Variants in ZNF571 observed in about 807,000 individuals in gnomAD.
ZNF571 encodes zinc finger protein 571.
In ZNF571, 4 loss-of-function variants were observed where a neutral mutation model predicts 7.7. That is an observed-to-expected ratio of 0.52 (90% confidence interval 0.25 to 1.18). The LOEUF is 1.18. Among genes scored for constraint, ZNF571 ranks in the 50% most tolerant of loss-of-function variants. The probability of loss-of-function intolerance (pLI) is 0.14; values close to 1 mark genes in which losing one functional copy is unlikely to be tolerated. For synonymous variants in ZNF571, 251 were observed against 232.4 expected, an observed-to-expected ratio of 1.08 and a Z score of -0.73; for missense variants, 704 against 726.9, an observed-to-expected ratio of 0.97 and a Z score of 0.36.
Position 37,573,285 on chromosome 19 carries a change from T to A in ZNF571, c.137-6994A>T, listed in dbSNP as rs1231673729. ...AGTATTGGAGATACTGGATTCCTATTATTAACGGCATGATTGTTATACTCA... is the reference window on the plus strand; with the variant it reads ...AGTATTGGAGATACTGGATTCCTATAATTAACGGCATGATTGTTATACTCA... On this transcript the variant is annotated intron_variant, in intron 3 of 3. Transcript: ENST00000451802. 4.6e-5 allele frequency among the ~76,000 whole-genome samples: 7 copies of A among 152,170 alleles called. No homozygotes were observed. The East Asian group carries it at 1.3e-3, about 29-fold the overall frequency.
rs1188054571 is a variant in ZNF571, at chr19:37,564,452, A to T, written c.*146T>A. 1 of 585,660 alleles carries T rather than the reference A, an allele frequency of 1.7e-6. No homozygotes were observed. Among genetic ancestry groups the T allele is most frequent in the Admixed American group, 3.7e-5 (1 of 26,874 alleles). 36.3% of individuals were successfully genotyped at this position (585,660 alleles called of 1,614,324 possible). ...TATAGAGATGTTAAGGAATTATTTA[A>T]GGGGTTTCTGAAATTATTCTGCATC... On this transcript the variant is annotated 3_prime_UTR_variant, in exon 4 of 4. Transcript: ENST00000451802.
At position 37,591,197 on chromosome 19, in the gene ZNF571, C is replaced by T. The variant is rs577391635; in HGVS notation, c.-70+3544G>A. Among the ~76,000 whole-genome samples the T allele has an allele frequency of 1.3e-5, 2 of 152,124 alleles. 1 individual carries two copies. The highest frequency in any genetic ancestry group is 4.1e-4 in the South Asian group (2 of 4,822). On this transcript the variant is annotated intron_variant, in intron 1 of 3. Coordinates refer to ENST00000451802, the MANE Select transcript of ZNF571 (RefSeq NM_016536.5). ...ACAGTGGTCACTGTACACTGTATAC[C>T]ACAAGAGGAATCAGAACTCCTTAGA... is the stretch of plus-strand genomic sequence containing the variant.
chr19:37,590,383 C>T (rs2043833002), intron 1 of ZNF571, among the ~76,000 whole-genome samples: 2 of 152,132 alleles, frequency 1.3e-5, no homozygotes, highest in East Asian at 1.9e-4. Flanking sequence ...CGCCACCGCA[C>T]TCCAGCCTGG....
At chr19:37,572,253 G>C (rs1378094501) in intron 3 of ZNF571, among the ~76,000 whole-genome samples, 1 of 152,136 alleles carries the variant, frequency 6.6e-6, no homozygotes, top group Non-Finnish European at 1.5e-5. Flanking sequence ...CTTTACTGTA[G>C]TTCCCCCTTA....
At chr19:37,577,387 C>G (rs1405280657) in intron 3 of ZNF571, among the ~76,000 whole-genome samples, 1 of 152,144 alleles carries the variant, frequency 6.6e-6, no homozygotes, top group Non-Finnish European at 1.5e-5. Context: ...CCCAAATCAA[C>G]AGAACCTAAC....
intron 3 of ZNF571, among the ~76,000 whole-genome samples, chr19:37,579,118 C>T (rs1437891002): frequency 6.6e-6 from 1 of 152,210 alleles, no homozygotes; most frequent in Non-Finnish European, 1.5e-5. Flanking sequence ...TTCCCTTGGG[C>T]TCCCACCACC....
chr19:37,565,632 A>C lies in ZNF571; in HGVS notation c.796T>G (p.Tyr266Asp). 6.2e-7 allele frequency: 1 copy of C among 1,613,356 alleles called. No homozygotes were observed. Among genetic ancestry groups the C allele is most frequent in the Non-Finnish European group, 8.5e-7 (1 of 1,179,764 alleles). The change falls in exon 4 of 4, where the codon TAT (tyrosine) becomes GAT (aspartate). Residue 266 changes from tyrosine (Y) to aspartate (D), a missense_variant. Tyr to Asp is a radical substitution (Grantham distance 160). Coordinates refer to ENST00000451802, the MANE Select transcript of ZNF571 (RefSeq NM_016536.5). Reference sequence around the variant, plus strand: ...CTATGAATTCTCTGATGAAGAGTATATTGTGAACAATAACTAAAGGCTTTT... The same window carrying C: ...CTATGAATTCTCTGATGAAGAGTATCTTGTGAACAATAACTAAAGGCTTTT... ...CGKAFSYCSQ[Y>D]TLHQRIHSGE...
At chr19:37,577,366 C>T (rs2147181032) in intron 3 of ZNF571, among the ~76,000 whole-genome samples, 1 of 152,212 alleles carries the variant, frequency 6.6e-6, no homozygotes, top group East Asian at 1.9e-4. Flanking sequence ...CCACTTTGAA[C>T]CAAACCTAGC....
intron 3 of ZNF571, among the ~76,000 whole-genome samples, chr19:37,581,058 A>G (rs2043439216): frequency 6.6e-6 from 1 of 152,214 alleles, no homozygotes; most frequent in African/African-American, 2.4e-5. Context: ...TTCAATTGAA[A>G]TTTTTGAAAT....
chr19:37,572,897 A>G (rs1437998189), intron 3 of ZNF571, among the ~76,000 whole-genome samples: 1 of 145,730 alleles, frequency 6.9e-6, no homozygotes, highest in Admixed American at 7.0e-5. Flanking sequence ...AGGGCAAGAA[A>G]TAATTATTTC....
chr19:37,589,864 CAAAA>C (rs60136941), intron 1 of ZNF571, among the ~76,000 whole-genome samples: 3 of 29,588 alleles, frequency 1.0e-4, no homozygotes, highest in African/African-American at 1.5e-4. Flanking sequence ...GACTCCATCT[CAAAA>C]AAAAAAAAAA....
Position 37,586,761 on chromosome 19 carries a change from A to C in ZNF571, c.-69-16T>G. 1.4e-6 allele frequency: 2 copies of C among 1,432,154 alleles called. No homozygotes were observed. Among genetic ancestry groups the C allele is most frequent in the Non-Finnish European group, 1.9e-6 (2 of 1,028,514 alleles). The allele number at this position is 1,432,154 out of a possible 1,614,324, so 88.7% of individuals were successfully genotyped here. A position where few individuals can be genotyped will look rare whatever the true frequency, so the allele number is the denominator to read the frequency against. ...GAAGCCAGTGCTGGACAAGGAAAAG[A>C]AGCCACAAGATTAGACTTGGCTCAC... On this transcript the variant is annotated splice_polypyrimidine_tract_variant and intron_variant, in intron 1 of 3. Transcript: ENST00000451802.
At chr19:37,590,198 A>T (rs2043826030) in intron 1 of ZNF571, among the ~76,000 whole-genome samples, 1 of 152,014 alleles carries the variant, frequency 6.6e-6, no homozygotes. Flanking sequence ...CGAGGTCAGG[A>T]GATCAAGACC....
At chr19:37,590,693 T>G (rs893309145) in intron 1 of ZNF571, among the ~76,000 whole-genome samples, 1 of 152,136 alleles carries the variant, frequency 6.6e-6, no homozygotes, top group African/African-American at 2.4e-5. Flanking sequence ...GGTAAATATG[T>G]AAGGACATAG....
At chr19:37,577,275 A>G (rs990853137) in intron 3 of ZNF571, among the ~76,000 whole-genome samples, 29 of 152,156 alleles carry the variant, frequency 1.9e-4, no homozygotes, top group Admixed American at 1.9e-3. Flanking sequence ...AATCATAACA[A>G]AGTAAGCATA....
chr19:37,571,572 A>G (rs2043052750), intron 3 of ZNF571, among the ~76,000 whole-genome samples: 1 of 152,208 alleles, frequency 6.6e-6, no homozygotes, highest in Non-Finnish European at 1.5e-5. Flanking sequence ...AAGGTTCCCC[A>G]ACTTATGATA....
intron 2 of ZNF571, chr19:37,586,405 G>A: frequency 2.0e-6 from 1 of 497,186 alleles, no homozygotes; most frequent in South Asian, 3.1e-5. Flanking sequence ...AGGTATTTCT[G>A]TTCCCTCAGA....
chr19:37,587,689 A>G (rs769784077), intron 1 of ZNF571, among the ~76,000 whole-genome samples: 4 of 152,056 alleles, frequency 2.6e-5, no homozygotes, highest in African/African-American at 7.2e-5. Flanking sequence ...ACCCAGTAAG[A>G]GAGCAGGTAA....
intron 3 of ZNF571, among the ~76,000 whole-genome samples, chr19:37,577,266 A>G (rs2043274479): frequency 6.6e-6 from 1 of 152,138 alleles, no homozygotes; most frequent in African/African-American, 2.4e-5. Context: ...TATGAGGTAA[A>G]TCATAACAAA....
Sources: allele counts gnomAD v4.1 joint callset (sites outside exome capture counted in the v4.1 genomes callset), GRCh38; gene constraint gnomAD v4.1.1; transcripts MANE v1.5; gene names NCBI Gene and HGNC (gene_info 2026-07-23, HGNC 2026-07-21).